The following DTNA variants were observed in gnomAD, a reference collection of about 807,000 sequenced individuals.
DTNA encodes the protein dystrobrevin alpha, also known as dystrophin-related protein 3.
A neutral mutation model predicts 100.7 loss-of-function variants in DTNA; 43 were observed. The observed-to-expected ratio is 0.43, with a 90% CI of 0.33 to 0.55. The LOEUF (loss-of-function observed/expected upper bound fraction) is 0.55, where lower values mean the gene tolerates loss of function less well. Ranked by LOEUF, DTNA falls within the 20% of genes least tolerant of loss-of-function variation. The pLI is 0.04. For missense variants in DTNA, 798 were observed against 953.9 expected (o/e 0.84, Z 2.15); for synonymous variants, 349 against 347.9 (o/e 1.00, Z -0.04).
At chr18:34,726,029 A>G (rs1012235833) in intron 1 of DTNA, among the ~76,000 whole-genome samples, 10 of 152,178 alleles carry the variant, frequency 6.6e-5, no homozygotes, top group Non-Finnish European at 1.5e-4. Context: ...GTTCTCACTC[A>G]TAAGTGGTAG....
At chr18:34,611,339 A>G (rs1250805947) in intron 1 of DTNA, among the ~76,000 whole-genome samples, 1 of 152,192 alleles carries the variant, frequency 6.6e-6, no homozygotes, top group Non-Finnish European at 1.5e-5. Context: ...AGACAGGTTC[A>G]TTCACCTGTA....
intron 17 of DTNA, chr18:34,866,943 G>C (rs374561605): frequency 5.3e-4 from 612 of 1,165,334 alleles, no homozygotes; most frequent in Middle Eastern, 5.2e-3. Context: ...CTGAACCTGT[G>C]GTCAGGCTCA....
intron 1 of DTNA, among the ~76,000 whole-genome samples, chr18:34,640,327 A>G (rs1184845664): frequency 1.3e-5 from 2 of 152,150 alleles, no homozygotes; most frequent in Non-Finnish European, 2.9e-5. Flanking sequence ...GCTGAAAGAC[A>G]GGCATCCATA....
At chr18:34,604,198 T>G (rs2052534141) in intron 1 of DTNA, among the ~76,000 whole-genome samples, 1 of 152,214 alleles carries the variant, frequency 6.6e-6, no homozygotes, top group South Asian at 2.1e-4. Flanking sequence ...TTTCATCACT[T>G]GTCCACTCTG....
At chr18:34,735,104 A>G (rs1245286257) in intron 1 of DTNA, among the ~76,000 whole-genome samples, 1 of 152,148 alleles carries the variant, frequency 6.6e-6, no homozygotes. Context: ...ATATATATAC[A>G]TGTGTAAGGA....
chr18:34,585,963 A>T (rs2049092635), intron 1 of DTNA, among the ~76,000 whole-genome samples: 1 of 152,182 alleles, frequency 6.6e-6, no homozygotes, highest in Admixed American at 6.5e-5. Context: ...TGTGGTTTTC[A>T]AGCAGTGCTT....
At chr18:34,526,571 A>G (rs757258656) in intron 1 of DTNA, among the ~76,000 whole-genome samples, 3 of 152,138 alleles carry the variant, frequency 2.0e-5, no homozygotes, top group African/African-American at 2.4e-5. Context: ...GAATTAATGA[A>G]TAACAGAAAA....
At chr18:34,624,104 C>A (rs2056956329) in intron 1 of DTNA, among the ~76,000 whole-genome samples, 1 of 152,088 alleles carries the variant, frequency 6.6e-6, no homozygotes, top group Admixed American at 6.5e-5. Flanking sequence ...GTTCTGCCCA[C>A]CTCTGAAGAA....
chr18:34,584,070 A>T (rs1020697122), intron 1 of DTNA, among the ~76,000 whole-genome samples: 7 of 152,160 alleles, frequency 4.6e-5, no homozygotes, highest in Non-Finnish European at 8.8e-5. Flanking sequence ...AGCTCCCAGG[A>T]CACTGGCAAC....
chr18:34,649,078 G>GT (rs1013540113), intron 1 of DTNA, among the ~76,000 whole-genome samples: 7 of 152,170 alleles, frequency 4.6e-5, no homozygotes, highest in Non-Finnish European at 7.4e-5. Context: ...TTATTAGAAT[G>GT]TTTTTTTGGA....
intron 1 of DTNA, among the ~76,000 whole-genome samples, chr18:34,502,080 C>T (rs923719041): frequency 1.3e-5 from 2 of 152,164 alleles, no homozygotes; most frequent in Non-Finnish European, 2.9e-5. Context: ...TGATCTGTTT[C>T]ATATTGTGTG....
At chr18:34,500,760 G>A (rs191529783) in intron 1 of DTNA, among the ~76,000 whole-genome samples, 128 of 151,984 alleles carry the variant, frequency 8.4e-4, no homozygotes, top group East Asian at 3.1e-3. Flanking sequence ...CACCACGCCC[G>A]GCCAGTTCTA....
intron 3 of DTNA, among the ~76,000 whole-genome samples, chr18:34,784,558 C>A (rs906878556): frequency 5.9e-5 from 9 of 152,180 alleles, no homozygotes; most frequent in Non-Finnish European, 1.0e-4. Context: ...AGTTTCCAGC[C>A]CATAAAGCAT....
At chr18:34,758,279 C>T (rs1262290755) in intron 2 of DTNA, among the ~76,000 whole-genome samples, 1 of 152,126 alleles carries the variant, frequency 6.6e-6, no homozygotes, top group Non-Finnish European at 1.5e-5. Context: ...TAAATCTTCT[C>T]ATCTAAGTAT....
At chr18:34,732,461 A>G (rs1324387447) in intron 1 of DTNA, among the ~76,000 whole-genome samples, 1 of 152,238 alleles carries the variant, frequency 6.6e-6, no homozygotes, top group Non-Finnish European at 1.5e-5. Flanking sequence ...CTTATCTAAA[A>G]TGAGAAGCCT....
intron 3 of DTNA, among the ~76,000 whole-genome samples, chr18:34,793,728 AG>A (rs2094848243): frequency 6.6e-6 from 1 of 152,166 alleles, no homozygotes; most frequent in African/African-American, 2.4e-5. Context: ...TGCATTTGTC[AG>A]TTCAGTTTCC....
At chr18:34,882,600 C>T (rs1191839635) in intron 21 of DTNA, among the ~76,000 whole-genome samples, 1 of 152,018 alleles carries the variant, frequency 6.6e-6, no homozygotes, top group Non-Finnish European at 1.5e-5. Flanking sequence ...GAACTCCTGA[C>T]CTCGCGATCC....
At chr18:34,602,062 T>C (rs1000092525) in intron 1 of DTNA, among the ~76,000 whole-genome samples, 2 of 152,160 alleles carry the variant, frequency 1.3e-5, no homozygotes, top group Non-Finnish European at 2.9e-5. Flanking sequence ...CACAGAGGAA[T>C]GGTGATGTAT....
chr18:34,885,182 C>G (rs776590210), intron 22 of DTNA, among the ~76,000 whole-genome samples: 2 of 152,178 alleles, frequency 1.3e-5, no homozygotes, highest in Non-Finnish European at 2.9e-5. Context: ...GTTAGTCATA[C>G]TATACCTCGG....
Sources: allele counts gnomAD v4.1 joint callset (sites outside exome capture counted in the v4.1 genomes callset), GRCh38; gene constraint gnomAD v4.1.1; transcripts MANE v1.5; gene names NCBI Gene and HGNC (gene_info 2026-07-23, HGNC 2026-07-21).